Variants in TUSC3 observed in about 807,000 individuals in gnomAD.
TUSC3 encodes dolichyl-diphosphooligosaccharide--protein glycosyltransferase subunit TUSC3.
A neutral mutation model predicts 44.8 loss-of-function variants in TUSC3; 45 were observed. The ratio of observed to expected loss-of-function variants is 1.00; its 90% confidence interval spans 0.79 to 1.29. The LOEUF (loss-of-function observed/expected upper bound fraction) is 1.29. Among genes scored for constraint, TUSC3 ranks in the 50% most tolerant of loss-of-function variants. TUSC3 has a pLI of 0.00. For synonymous variants in TUSC3, 212 were observed against 152.9 expected (o/e 1.39, Z -2.85); for missense variants, 519 against 437.9 (o/e 1.19, Z -1.65).
chr8:15,682,508 GA>G (rs1808467618), intron 6 of TUSC3, among the ~76,000 whole-genome samples: 1 of 151,980 alleles, frequency 6.6e-6, no homozygotes, highest in Non-Finnish European at 1.5e-5. Context: ...TTTTTCATTT[GA>G]GTGTTAGATC....
intron 2 of TUSC3, among the ~76,000 whole-genome samples, chr8:15,637,811 TC>T (rs1192172249): frequency 6.6e-6 from 1 of 152,120 alleles, no homozygotes; most frequent in Non-Finnish European, 1.5e-5. Flanking sequence ...CTTATTTTTC[TC>T]CCCCGCTCAC....
At chr8:15,597,710 G>C (rs1158668655) in intron 1 of TUSC3, among the ~76,000 whole-genome samples, 1 of 152,034 alleles carries the variant, frequency 6.6e-6, no homozygotes, top group Non-Finnish European at 1.5e-5. Flanking sequence ...TTTGTTCTTT[G>C]AAAATGACCA....
chr8:15,644,366 T>G (rs889519005), intron 2 of TUSC3, among the ~76,000 whole-genome samples: 8 of 152,326 alleles, frequency 5.3e-5, no homozygotes, highest in Middle Eastern at 3.4e-3. Flanking sequence ...TTACTATTAC[T>G]ATGAACTACT....
intron 1 of TUSC3, among the ~76,000 whole-genome samples, chr8:15,581,873 C>G (rs1280188359): frequency 8.4e-6 from 1 of 119,600 alleles, no homozygotes; most frequent in African/African-American, 3.8e-5. Flanking sequence ...TTTACCTAAT[C>G]AAGCCTGGGC....
chr8:15,730,641 A>G, intron 6 of TUSC3, 25 bp from the exon 7 acceptor site: 1 of 1,610,664 alleles, frequency 6.2e-7, no homozygotes, highest in Admixed American at 1.7e-5. Context: ...CTCAGACTGT[A>G]ATTTCTGTTT....
intron 6 of TUSC3, among the ~76,000 whole-genome samples, chr8:15,712,735 T>C (rs557364348): frequency 6.6e-6 from 1 of 152,264 alleles, no homozygotes; most frequent in African/African-American, 2.4e-5. Flanking sequence ...TTTAATACAT[T>C]CCACAGTGTT....
intron 2 of TUSC3, among the ~76,000 whole-genome samples, chr8:15,633,159 T>C (rs1452837074): frequency 1.3e-5 from 2 of 152,210 alleles, no homozygotes; most frequent in African/African-American, 4.8e-5. Context: ...ATACGTATTA[T>C]TGTAGCAGAG....
intron 2 of TUSC3, among the ~76,000 whole-genome samples, chr8:15,638,574 A>T (rs1187907319): frequency 8.3e-6 from 1 of 120,540 alleles, no homozygotes; most frequent in Non-Finnish European, 1.6e-5. Flanking sequence ...CCCATGCTGG[A>T]GTGCAGTGGC....
chr8:15,691,035 G>C (rs145770920), intron 6 of TUSC3, among the ~76,000 whole-genome samples: 1 of 141,662 alleles, frequency 7.1e-6, no homozygotes, highest in African/African-American at 2.7e-5. Flanking sequence ...TCCTAATTCT[G>C]TGAAGAATGT....
intron 2 of TUSC3, among the ~76,000 whole-genome samples, chr8:15,642,784 T>C (rs1806437316): frequency 6.6e-6 from 1 of 152,164 alleles, no homozygotes; most frequent in Non-Finnish European, 1.5e-5. Flanking sequence ...CTTTGTTGTT[T>C]TGTTTTTATT....
At chr8:15,459,887 C>T (rs1180669309) in intron 1 of TUSC3, among the ~76,000 whole-genome samples, 1 of 151,096 alleles carries the variant, frequency 6.6e-6, no homozygotes, top group Non-Finnish European at 1.5e-5. Flanking sequence ...TACATACATA[C>T]ATACATACAT....
the TUSC3 span, among the ~76,000 whole-genome samples, chr8:15,783,858 G>T: frequency 6.6e-6 from 1 of 152,112 alleles, no homozygotes; most frequent in Non-Finnish European, 1.5e-5. Context: ...CTGCAAATGG[G>T]ATTACGTGAA....
In TUSC3 at chr8:15,734,669, G is replaced by A. The variant is rs352752; in HGVS notation, c.862+3940G>A. On this transcript the variant is annotated intron_variant, in intron 7 of 10. Transcript: ENST00000503731. ...ATAATACAGTGAGACAAATGTATGCGAAGGCAAAGGAAGTAGCAAGAGAGG... is the reference window on the plus strand; with the variant it reads ...ATAATACAGTGAGACAAATGTATGCAAAGGCAAAGGAAGTAGCAAGAGAGG... Among the ~76,000 whole-genome samples, 898 of 152,254 alleles carry A rather than the reference G, an allele frequency of 5.9e-3. 10 individuals are homozygous for A. Among genetic ancestry groups the A allele is most frequent in the African/African-American group, 0.02 (828 of 41,540 alleles).
chr8:15,724,461 T>C (rs1486359295), intron 6 of TUSC3, among the ~76,000 whole-genome samples: 2 of 152,184 alleles, frequency 1.3e-5, no homozygotes, highest in Non-Finnish European at 2.9e-5. Context: ...ATAGGTTCGT[T>C]TAAAAACAGC....
rs566631901 is a variant in TUSC3 at position 15,682,306 on chromosome 8, C to G, written c.798+8470C>G. ...TGCCTGTCCAAGTCTTTTTGTAAGT[C>G]TAGAATTTTTTTATGAATGTTTTAT... On this transcript the variant is annotated intron_variant, in intron 6 of 10. Transcript: ENST00000503731. Among the ~76,000 whole-genome samples the G allele has an allele frequency of 3.3e-5, 5 of 152,186 alleles. No homozygotes were observed. The South Asian group carries it at 1.0e-3, about 32-fold the overall frequency.
chr8:15,464,816 C>G (rs1800393341), intron 1 of TUSC3, among the ~76,000 whole-genome samples: 1 of 152,170 alleles, frequency 6.6e-6, no homozygotes, highest in Non-Finnish European at 1.5e-5. Flanking sequence ...CTGTCCAAAA[C>G]ATGGTCATGA....
intron 1 of TUSC3, among the ~76,000 whole-genome samples, chr8:15,560,499 G>C (rs1035804432): frequency 2.7e-5 from 4 of 150,874 alleles, no homozygotes; most frequent in African/African-American, 9.7e-5. Context: ...TGCTCTTCTC[G>C]AGAAGTATCT....
At chr8:15,554,054 T>C (rs1354024606) in intron 1 of TUSC3, among the ~76,000 whole-genome samples, 1 of 151,612 alleles carries the variant, frequency 6.6e-6, no homozygotes, top group East Asian at 2.0e-4. Flanking sequence ...CAGATCCGTG[T>C]CTGGTGAGGC....
At chr8:15,746,477 C>T (rs971493773) in intron 8 of TUSC3, among the ~76,000 whole-genome samples, 2 of 152,100 alleles carry the variant, frequency 1.3e-5, no homozygotes, top group Non-Finnish European at 2.9e-5. Flanking sequence ...CTCATTATGG[C>T]ATTTTATTTT....
Sources: gnomAD v4.1 joint callset for allele counts (sites outside exome capture counted in the v4.1 genomes callset) on GRCh38, gnomAD v4.1.1 for gene constraint, MANE v1.5 for transcripts, NCBI Gene and HGNC (gene_info 2026-07-23, HGNC 2026-07-21) for gene names.